MRPL48: variants seen among roughly 807,000 people sequenced by gnomAD.
The protein encoded by MRPL48 is mitochondrial ribosomal protein L48, also known as large ribosomal subunit protein mL48.
A neutral mutation model predicts 32.9 loss-of-function variants in MRPL48; 16 were observed. The observed-to-expected ratio is 0.49, with a 90% CI of 0.33 to 0.74. The LOEUF is 0.74. Ranked by LOEUF, MRPL48 falls within the 30% of genes least tolerant of loss-of-function variation. The probability of loss-of-function intolerance (pLI) is 0.02; values close to 1 mark genes in which losing one functional copy is unlikely to be tolerated. For synonymous variants in MRPL48, 94 were observed against 89.2 expected, an observed-to-expected ratio of 1.05 and a Z score of -0.31; for missense variants, 206 against 245.3, an observed-to-expected ratio of 0.84 and a Z score of 1.07.
chr11:73,802,768 C>T (rs916392171), intron 1 of MRPL48, among the ~76,000 whole-genome samples: 8 of 151,878 alleles, frequency 5.3e-5, no homozygotes, highest in South Asian at 2.1e-4. Flanking sequence ...GGCACAGTCA[C>T]GGCTTATTGC....
At chr11:73,811,146 G>C (rs1947558884) in intron 3 of MRPL48, among the ~76,000 whole-genome samples, 1 of 152,188 alleles carries the variant, frequency 6.6e-6, no homozygotes, top group Non-Finnish European at 1.5e-5. Context: ...AGCGTTTCAA[G>C]AAGGAAAGAG....
At chr11:73,792,043 C>G (rs900524656) in intron 1 of MRPL48, among the ~76,000 whole-genome samples, 5 of 152,192 alleles carry the variant, frequency 3.3e-5, no homozygotes, top group African/African-American at 7.2e-5. Flanking sequence ...CAGACATGCC[C>G]TTCTGTGCCT....
Position 73,827,821 on chromosome 11 carries a change from G to A in MRPL48, c.201+2025G>A, listed in dbSNP as rs1160177076. On this transcript the variant is annotated intron_variant, in intron 4 of 7. Coordinates refer to ENST00000310614, the MANE Select transcript of MRPL48 (RefSeq NM_016055.6). Reference sequence around the variant, plus strand: ...AAGAACATTACCACCTATCAGGCCTGTATTAGCCAGGCTCCCAGCAGGAAA... The same window carrying A: ...AAGAACATTACCACCTATCAGGCCTATATTAGCCAGGCTCCCAGCAGGAAA... Among the ~76,000 whole-genome samples the A allele has an allele frequency of 4.6e-5, 7 of 152,278 alleles. No individual in the cohort carries two copies. The East Asian group carries it at 1.3e-3, about 29-fold the overall frequency.
chr11:73,859,945 T>C lies in MRPL48; in HGVS notation c.410T>C (p.Leu137Ser). ...ACCAAAACCATAGAAGTGTTGCAGT[T>C]GCAGGACCAAGGCAGCAAAATGCTC... ...MPTKTIEVLQ[L>S]QDQGSKMLLD... Residue 137 changes from leucine to serine, a missense_variant, in exon 6 of 8, where the codon TTG becomes TCG. Transcript: ENST00000310614. 1 of 1,613,920 alleles carries C rather than the reference T, an allele frequency of 6.2e-7. No homozygotes were observed. The highest frequency in any genetic ancestry group is 8.5e-7 in the Non-Finnish European group (1 of 1,179,880).
intron 5 of MRPL48, among the ~76,000 whole-genome samples, chr11:73,847,187 G>A (rs561031090): frequency 9.2e-5 from 14 of 152,080 alleles, no homozygotes; most frequent in Admixed American, 5.9e-4. Flanking sequence ...TGAGACTTCC[G>A]GCAACTCTTC....
chr11:73,796,169 C>T (rs893994215), intron 1 of MRPL48, among the ~76,000 whole-genome samples: 4 of 152,156 alleles, frequency 2.6e-5, no homozygotes, highest in African/African-American at 9.7e-5. Flanking sequence ...GGATCTAGGC[C>T]TCTTGCTCCA....
chr11:73,792,799 A>G (rs1195046505), intron 1 of MRPL48, among the ~76,000 whole-genome samples: 1 of 152,228 alleles, frequency 6.6e-6, no homozygotes, highest in East Asian at 1.9e-4. Flanking sequence ...GAACCAAACA[A>G]TTACCACCAC....
intron 5 of MRPL48, among the ~76,000 whole-genome samples, chr11:73,856,319 A>C (rs1393673149): frequency 2.0e-5 from 3 of 151,400 alleles, no homozygotes; most frequent in Non-Finnish European, 1.5e-5. Flanking sequence ...TTTTCATTTC[A>C]TCTTAATCCA....
Position 73,863,585 on chromosome 11 carries a change from T to A in MRPL48, c.564+324T>A, listed in dbSNP as rs549840201. Among the ~76,000 whole-genome samples the A allele has an allele frequency of 1.2e-4, 19 of 152,306 alleles. No homozygotes were observed. In the South Asian group the frequency reaches 3.9e-3, roughly 32 times the overall value. On this transcript the variant is annotated intron_variant, in intron 7 of 7. Coordinates refer to ENST00000310614, the MANE Select transcript of MRPL48 (RefSeq NM_016055.6). ...ACATGGGTTAAGATAGTATATGGTG[T>A]AATAAATCAGAACACAAATAGGAAA...
intron 2 of MRPL48, among the ~76,000 whole-genome samples, chr11:73,807,469 A>G (rs1180200420): frequency 6.6e-6 from 1 of 151,042 alleles, no homozygotes; most frequent in Non-Finnish European, 1.5e-5. Flanking sequence ...GTCAACTACT[A>G]TTTGATAAGC....
chr11:73,862,355 G>A (rs1343628528), intron 6 of MRPL48, among the ~76,000 whole-genome samples: 1 of 152,126 alleles, frequency 6.6e-6, no homozygotes, highest in Non-Finnish European at 1.5e-5. Flanking sequence ...CCGGGAGGTA[G>A]AGGTTGCAGT....
intron 5 of MRPL48, among the ~76,000 whole-genome samples, chr11:73,846,664 C>CTT (rs111867247): frequency 1.7e-4 from 24 of 144,134 alleles, no homozygotes; most frequent in South Asian, 1.5e-3. Flanking sequence ...CACCTCCTTT[C>CTT]TTTTTTTTTT....
chr11:73,837,801 G>A (rs940477533), intron 4 of MRPL48, among the ~76,000 whole-genome samples: 5 of 151,956 alleles, frequency 3.3e-5, no homozygotes, highest in Admixed American at 6.6e-5. Flanking sequence ...AGTCAGGTTG[G>A]GCTTCCCAAA....
intron 4 of MRPL48, chr11:73,832,242 C>T (rs1948010023): frequency 6.6e-6 from 1 of 152,142 alleles, no homozygotes; most frequent in South Asian, 2.1e-4. Flanking sequence ...AGAATGGCCC[C>T]TAGGAATCAA....
At chr11:73,801,349 A>G (rs992116392) in intron 1 of MRPL48, among the ~76,000 whole-genome samples, 7 of 152,152 alleles carry the variant, frequency 4.6e-5, no homozygotes, top group Non-Finnish European at 4.4e-5. Flanking sequence ...CCTCTGATCT[A>G]ACTTCAAAGT....
At chr11:73,844,100 G>A (rs528722185) in intron 4 of MRPL48, among the ~76,000 whole-genome samples, 1 of 151,560 alleles carries the variant, frequency 6.6e-6, no homozygotes, top group Admixed American at 6.6e-5. Context: ...AATATTGGGG[G>A]GCTCATAGAC....
At chr11:73,839,127 T>C (rs865867733) in intron 4 of MRPL48, among the ~76,000 whole-genome samples, 1 of 152,228 alleles carries the variant, frequency 6.6e-6, no homozygotes, top group Non-Finnish European at 1.5e-5. Flanking sequence ...TCTCAAAACA[T>C]TCCTGTGAGA....
At chr11:73,818,670 T>C (rs1391458819) in intron 3 of MRPL48, among the ~76,000 whole-genome samples, 1 of 152,204 alleles carries the variant, frequency 6.6e-6, no homozygotes, top group Non-Finnish European at 1.5e-5. Context: ...TGTAATTAGC[T>C]TCTTCGCTGG....
intron 6 of MRPL48, 195 bp downstream of exon 6, chr11:73,860,204 G>C: frequency 2.0e-6 from 1 of 503,260 alleles, no homozygotes; most frequent in Non-Finnish European, 3.6e-6. Context: ...TTAGGCCTCA[G>C]TGATCATCAT....
Sources: allele counts gnomAD v4.1 joint callset (sites outside exome capture counted in the v4.1 genomes callset), GRCh38; gene constraint gnomAD v4.1.1; transcripts MANE v1.5; gene names NCBI Gene and HGNC (gene_info 2026-07-23, HGNC 2026-07-21).